RALGPS1: variants seen among roughly 807,000 people sequenced by gnomAD.
The protein encoded by RALGPS1 is ras-specific guanine nucleotide-releasing factor RalGPS1.
A neutral mutation model predicts 78.8 loss-of-function variants in RALGPS1; 19 were observed. That is an observed-to-expected ratio of 0.24 (90% CI 0.17 to 0.35). The LOEUF is 0.35. Among genes scored for constraint, RALGPS1 ranks in the 10% least tolerant of loss-of-function variants. RALGPS1 has a pLI of 1.00. For missense variants in RALGPS1, 454 were observed against 688.3 expected (o/e 0.66, Z 3.81); for synonymous variants, 228 against 256.3 (o/e 0.89, Z 1.06).
At chr9:126,966,385 T>C (rs545799825) in intron 3 of RALGPS1, among the ~76,000 whole-genome samples, 2 of 152,082 alleles carry the variant, frequency 1.3e-5, no homozygotes, top group East Asian at 3.9e-4. Context: ...TAGCCAGGTG[T>C]GGTGGCACAC....
chr9:127,203,113 C>T (rs117940478), intron 14 of RALGPS1, among the ~76,000 whole-genome samples: 27 of 152,234 alleles, frequency 1.8e-4, no homozygotes, highest in Non-Finnish European at 3.8e-4. Context: ...TATCAGCCTA[C>T]GAGTTAAAGG....
chr9:127,050,821 G>A (rs980289967), intron 6 of RALGPS1, among the ~76,000 whole-genome samples: 24 of 152,186 alleles, frequency 1.6e-4, no homozygotes, highest in African/African-American at 5.8e-4. Flanking sequence ...CATCGTGCTG[G>A]CTGTTTCGCT....
Position 127,108,849 on chromosome 9 carries a change from C to T in RALGPS1, c.610+39493C>T, listed in dbSNP as rs186544317. 127 of 1,141,508 alleles carry T rather than the reference C, an allele frequency of 1.1e-4. No homozygotes were observed. The African/African-American group carries it at 1.4e-3, about 13-fold the overall frequency. 70.7% of individuals were successfully genotyped at this position (1,141,508 alleles called of 1,614,324 possible). ...GTCAGTGCCCTGTGCCATCAGTGATCCCAGCCTTCTCGCCAGGCAGGCAGA... is the reference window on the plus strand; with the variant it reads ...GTCAGTGCCCTGTGCCATCAGTGATTCCAGCCTTCTCGCCAGGCAGGCAGA... On this transcript the variant is annotated intron_variant, in intron 8 of 18. Coordinates refer to ENST00000259351, the MANE Select transcript of RALGPS1 (RefSeq NM_014636.3).
At position 126,989,983 on chromosome 9, in the gene RALGPS1, C is replaced by T. The variant is rs867512613; in HGVS notation, c.216+12238C>T. The T allele has an allele frequency of 1.0e-5, 16 of 1,550,346 alleles. No individual in the cohort carries two copies. In the African/African-American group the frequency reaches 1.1e-4, roughly 11 times the overall value. On this transcript the variant is annotated intron_variant, in intron 4 of 18. Coordinates refer to ENST00000259351, the MANE Select transcript of RALGPS1 (RefSeq NM_014636.3). ...CACGTTGCAGTTCAGGAAAACACTG[C>T]CTGTGGGTCCAGGAACCTGACCCTC...
chr9:127,042,245 G>T (rs985308773), intron 5 of RALGPS1, among the ~76,000 whole-genome samples: 3 of 152,074 alleles, frequency 2.0e-5, no homozygotes, highest in African/African-American at 7.2e-5. Context: ...CTAAATGCCA[G>T]TGCTAGCTAT....
chr9:127,139,333 C>T (rs960719623), intron 8 of RALGPS1, among the ~76,000 whole-genome samples: 1 of 152,204 alleles, frequency 6.6e-6, no homozygotes, highest in African/African-American at 2.4e-5. Context: ...GAGGCAGACT[C>T]CCCAGGTCAG....
intron 7 of RALGPS1, among the ~76,000 whole-genome samples, chr9:127,054,283 A>G (rs1325760844): frequency 4.6e-5 from 7 of 152,146 alleles, no homozygotes; most frequent in Admixed American, 2.6e-4. Flanking sequence ...TTTTCAAATG[A>G]ATTTTCCATC....
At chr9:127,034,405 G>A (rs1179233163) in intron 4 of RALGPS1, 26 bp from the exon 5 acceptor site, 3 of 1,601,552 alleles carry the variant, frequency 1.9e-6, no homozygotes, top group Middle Eastern at 1.7e-4. Context: ...TAGAATCACT[G>A]TTGAAATTCA....
chr9:127,015,874 C>G lies in RALGPS1; in HGVS notation c.217-18557C>G, dbSNP rs140486361. Among the ~76,000 whole-genome samples, 6 of 152,204 alleles carry G rather than the reference C, an allele frequency of 3.9e-5. No homozygotes were observed. In the East Asian group the frequency reaches 1.2e-3, roughly 29 times the overall value. On this transcript the variant is annotated intron_variant, in intron 4 of 18. Transcript: ENST00000259351. ...TGGAGGCACTTCTCACACCATGTTT[C>G]CACCTCCAAAAGATGCACCTGATCC...
intron 8 of RALGPS1, among the ~76,000 whole-genome samples, chr9:127,140,321 G>A (rs543932088): frequency 7.2e-5 from 11 of 152,316 alleles, no homozygotes; most frequent in South Asian, 2.1e-4. Flanking sequence ...CCCCAGAGCC[G>A]TCCGGGCACT....
intron 4 of RALGPS1, among the ~76,000 whole-genome samples, chr9:126,989,452 G>A (rs1042958837): frequency 2.0e-5 from 3 of 152,184 alleles, no homozygotes; most frequent in Non-Finnish European, 4.4e-5. Context: ...GTTAGGACCC[G>A]GCTTGGGCCT....
At chr9:127,034,285 C>T (rs1429252135) in intron 4 of RALGPS1, 146 bp from the exon 5 acceptor site, 1 of 696,872 alleles carries the variant, frequency 1.4e-6, no homozygotes. Flanking sequence ...CAAACCCAGC[C>T]CTTCTCTTCC....
chr9:126,978,004 A>G (rs11790388), intron 4 of RALGPS1: 48,802 of 327,414 alleles, frequency 0.15, 4,252 homozygotes, highest in Admixed American at 0.24. Context: ...CCTGAGAGTC[A>G]GGTCTTAACA....
intron 3 of RALGPS1, among the ~76,000 whole-genome samples, chr9:126,968,990 GT>G (rs1253699134): frequency 1.3e-5 from 2 of 152,114 alleles, no homozygotes; most frequent in Non-Finnish European, 2.9e-5. Context: ...AGAGGTTGCG[GT>G]GAGCCGAGAT....
chr9:127,064,470 A>T lies in RALGPS1; in HGVS notation c.484-4760A>T, dbSNP rs546464673. Among the ~76,000 whole-genome samples the T allele has an allele frequency of 3.0e-3, 454 of 152,350 alleles. 2 individuals carry two copies. Among genetic ancestry groups the T allele is most frequent in the African/African-American group, 0.01 (426 of 41,562 alleles). ...CATTACATGCACGTGAATTTTAAAA[A>T]TCACTAAGTACTGAAAGGTTTAGTG... is the stretch of plus-strand genomic sequence containing the variant. On this transcript the variant is annotated intron_variant, in intron 7 of 18. Transcript: ENST00000259351.
At chr9:126,990,887 C>T (rs575410024) in intron 4 of RALGPS1, among the ~76,000 whole-genome samples, 13 of 152,250 alleles carry the variant, frequency 8.5e-5, no homozygotes, top group African/African-American at 2.6e-4. Flanking sequence ...TGTTTTTTGT[C>T]GAATACATTT....
In RALGPS1 at chr9:126,955,991, G is replaced by C. The variant is rs989398674; in HGVS notation, c.-65-6234G>C. Among the ~76,000 whole-genome samples, 6 of 152,324 alleles carry C rather than the reference G, an allele frequency of 3.9e-5. No homozygotes were observed. In the East Asian group the frequency reaches 7.7e-4, roughly 20 times the overall value. On this transcript the variant is annotated intron_variant, in intron 1 of 18. Transcript: ENST00000259351. ...TGCTCTCCTTTTCTTTCAGACACAGGCTCTTTCTTCAGTTCCTGCCTGTGC... is the reference window on the plus strand; with the variant it reads ...TGCTCTCCTTTTCTTTCAGACACAGCCTCTTTCTTCAGTTCCTGCCTGTGC...
intron 13 of RALGPS1, 135 bp from the exon 14 acceptor site, chr9:127,198,880 G>A (rs565374309): frequency 6.1e-5 from 48 of 791,946 alleles, no homozygotes; most frequent in African/African-American, 3.9e-4. Context: ...ACTCGAGTAC[G>A]TTGAGGCTCC....
chr9:127,098,411 A>G (rs984818388), intron 8 of RALGPS1, among the ~76,000 whole-genome samples: 3 of 152,150 alleles, frequency 2.0e-5, no homozygotes, highest in African/African-American at 7.2e-5. Context: ...TCATCTCTAT[A>G]AAGACCACAT....
Sources: gnomAD v4.1 joint callset for allele counts (sites outside exome capture counted in the v4.1 genomes callset) on GRCh38, gnomAD v4.1.1 for gene constraint, MANE v1.5 for transcripts, NCBI Gene and HGNC (gene_info 2026-07-23, HGNC 2026-07-21) for gene names.